Variants in ANKS1B observed in about 807,000 individuals in gnomAD.
The protein encoded by ANKS1B is ankyrin repeat and sterile alpha motif domain-containing protein 1B.
A neutral mutation model predicts 148.3 loss-of-function variants in ANKS1B; 36 were observed. The ratio of observed to expected loss-of-function variants is 0.24; its 90% CI spans 0.19 to 0.32. ANKS1B has a LOEUF of 0.32. ANKS1B is among the 10% of genes least tolerant of loss of function. ANKS1B has a pLI of 1.00. For missense variants in ANKS1B, 1,157 were observed against 1,542.6 expected (o/e 0.75, Z 4.19); for synonymous variants, 542 against 560.8 (o/e 0.97, Z 0.47).
intron 17 of ANKS1B, among the ~76,000 whole-genome samples, chr12:99,000,701 AT>A (rs2099932484): frequency 6.6e-6 from 1 of 152,210 alleles, no homozygotes; most frequent in Non-Finnish European, 1.5e-5. Context: ...GATCCCTAGA[AT>A]TTATTCATCT....
intron 12 of ANKS1B, among the ~76,000 whole-genome samples, chr12:99,391,701 T>C (rs1035868843): frequency 6.6e-5 from 10 of 152,234 alleles, no homozygotes; most frequent in Non-Finnish European, 1.5e-4. Flanking sequence ...ATTATCTAAC[T>C]ATATATTTTC....
At chr12:98,804,539 A>T (rs760212973) in intron 20 of ANKS1B, among the ~76,000 whole-genome samples, 18 of 152,218 alleles carry the variant, frequency 1.2e-4, no homozygotes, top group Non-Finnish European at 2.5e-4. Flanking sequence ...TGGACTTAAC[A>T]TTACACTGTC....
In ANKS1B at chr12:99,246,496, A is replaced by C; in HGVS notation, c.2125T>G (p.Phe709Val). The change falls in exon 13 of 27, where the codon TTT becomes GTT. Residue 709 changes from phenylalanine (F) to valine (V), a missense_variant. This residue lies in a region of ANKS1B where 661 missense variants were observed against 642.1 expected (regional missense o/e 1.03). Transcript: ENST00000683438. ...CCCAGAGTACAGGCTCTCTCCACAA[A>C]TCCCCCTGCGTTCATAACCCACTGG... Reference protein sequence around the residue: ...GDQWVMNAGGFVERACTLGRI... With the variant: ...GDQWVMNAGGVVERACTLGRI... 1 of 1,613,622 alleles carries C rather than the reference A, an allele frequency of 6.2e-7. No homozygotes were observed. Among genetic ancestry groups the C allele is most frequent in the Non-Finnish European group, 8.5e-7 (1 of 1,179,828 alleles).
intron 9 of ANKS1B, among the ~76,000 whole-genome samples, chr12:99,565,877 T>C (rs1020725876): frequency 1.3e-5 from 2 of 152,168 alleles, no homozygotes; most frequent in African/African-American, 4.8e-5. Flanking sequence ...GTTTTTAAGA[T>C]TGTCCCTTTT....
intron 15 of ANKS1B, among the ~76,000 whole-genome samples, chr12:99,085,381 C>CAA (rs11310854): frequency 6.9e-6 from 1 of 143,908 alleles, no homozygotes; most frequent in Non-Finnish European, 1.5e-5. Flanking sequence ...AAAAAAGATC[C>CAA]AAAAAAAAAA....
intron 14 of ANKS1B, among the ~76,000 whole-genome samples, chr12:99,173,938 T>C (rs2078080133): frequency 6.6e-6 from 1 of 152,186 alleles, no homozygotes; most frequent in Non-Finnish European, 1.5e-5. Flanking sequence ...GATTCTTAGT[T>C]CCTTCTACTG....
intron 14 of ANKS1B, among the ~76,000 whole-genome samples, chr12:99,188,259 C>T (rs560771267): frequency 4.6e-5 from 7 of 152,152 alleles, no homozygotes; most frequent in Non-Finnish European, 7.3e-5. Flanking sequence ...GACTTTAACA[C>T]CCCACTGTCA....
At chr12:99,282,321 G>C (rs1229477356) in intron 12 of ANKS1B, among the ~76,000 whole-genome samples, 1 of 152,142 alleles carries the variant, frequency 6.6e-6, no homozygotes, top group Non-Finnish European at 1.5e-5. Context: ...GAGCAAAGTG[G>C]GCAAAAGAGA....
intron 10 of ANKS1B, among the ~76,000 whole-genome samples, chr12:99,502,005 T>C (rs1209984860): frequency 6.6e-6 from 1 of 152,166 alleles, no homozygotes; most frequent in South Asian, 2.1e-4. Context: ...TGATCAGCCT[T>C]GTTATCTGTG....
intron 1 of ANKS1B, among the ~76,000 whole-genome samples, chr12:99,840,535 A>C (rs1322994551): frequency 6.6e-6 from 1 of 152,162 alleles, no homozygotes; most frequent in Non-Finnish European, 1.5e-5. Flanking sequence ...GGAAAAGATG[A>C]TGACGGCTTA....
intron 14 of ANKS1B, among the ~76,000 whole-genome samples, chr12:99,190,235 G>C (rs1316012633): frequency 6.6e-6 from 1 of 152,104 alleles, no homozygotes; most frequent in Non-Finnish European, 1.5e-5. Flanking sequence ...TGGATAGGAA[G>C]AATCAATATA....
At chr12:99,324,811 A>T (rs2085997775) in intron 12 of ANKS1B, among the ~76,000 whole-genome samples, 1 of 152,162 alleles carries the variant, frequency 6.6e-6, no homozygotes, top group Non-Finnish European at 1.5e-5. Flanking sequence ...TCTAAAAAGA[A>T]ATATCAGGCA....
intron 9 of ANKS1B, among the ~76,000 whole-genome samples, chr12:99,539,831 C>T (rs1259067157): frequency 2.0e-5 from 3 of 151,994 alleles, no homozygotes; most frequent in African/African-American, 7.3e-5. Flanking sequence ...ACTCTGCCTG[C>T]CACAAAATGC....
rs146791344 is a variant in ANKS1B, at chr12:99,040,275, C to CGTGT, written c.2778+12878_2778+12881dup. On this transcript the variant is annotated intron_variant, in intron 17 of 26. Transcript: ENST00000683438. ...CTTTCTCTCTCTCTATGTGCGTGTG[C>CGTGT]GTGTGTGTGTGTGTGTGTGTGTATA... Among the ~76,000 whole-genome samples the CGTGT allele has an allele frequency of 5.6e-3, 833 of 147,528 alleles. 12 individuals are homozygous for CGTGT. Among genetic ancestry groups the CGTGT allele is most frequent in the African/African-American group, 0.019 (789 of 40,522 alleles).
At chr12:99,606,477 T>C (rs1183044106) in intron 9 of ANKS1B, among the ~76,000 whole-genome samples, 1 of 151,990 alleles carries the variant, frequency 6.6e-6, no homozygotes, top group African/African-American at 2.4e-5. Flanking sequence ...TTAGTACAAA[T>C]GATTTCATTA....
intron 17 of ANKS1B, among the ~76,000 whole-genome samples, chr12:98,938,343 T>C (rs1030856817): frequency 3.9e-5 from 6 of 152,168 alleles, no homozygotes; most frequent in Non-Finnish European, 7.3e-5. Flanking sequence ...ACAATCCTAA[T>C]TGACACCTGT....
intron 15 of ANKS1B, among the ~76,000 whole-genome samples, chr12:99,127,492 A>C (rs141595063): frequency 6.6e-6 from 1 of 152,218 alleles, no homozygotes; most frequent in African/African-American, 2.4e-5. Context: ...AAAAAGCAAA[A>C]GGTACATAAT....
chr12:99,290,088 C>A (rs2079728205), intron 12 of ANKS1B, among the ~76,000 whole-genome samples: 1 of 151,642 alleles, frequency 6.6e-6, no homozygotes, highest in African/African-American at 2.4e-5. Context: ...GGAGATACTA[C>A]AACTGATACT....
intron 17 of ANKS1B, among the ~76,000 whole-genome samples, chr12:98,967,751 T>TACA (rs2099879703): frequency 1.2e-5 from 1 of 81,360 alleles, no homozygotes; most frequent in East Asian, 3.0e-4. Context: ...CAGACAAATC[T>TACA]AAAAAAAAAA....
Sources: gnomAD v4.1 joint callset for allele counts (sites outside exome capture counted in the v4.1 genomes callset) on GRCh38, gnomAD v4.1.1 for gene constraint, gnomAD v4.1.1 regional missense constraint, MANE v1.5 for transcripts, NCBI Gene and HGNC (gene_info 2026-07-23, HGNC 2026-07-21) for gene names.